PDGFC: variants seen among roughly 807,000 people sequenced by gnomAD.
PDGFC encodes platelet-derived growth factor C.
PDGFC carries 12 observed loss-of-function variants against 35.5 expected under a neutral mutation model. That is an observed-to-expected ratio of 0.34 (90% CI 0.22 to 0.55). The LOEUF is 0.55. Ranked by LOEUF, PDGFC falls within the 20% of genes least tolerant of loss-of-function variation. PDGFC has a pLI of 0.91. For missense variants in PDGFC, 322 were observed against 412.4 expected (o/e 0.78, Z 1.90); for synonymous variants, 159 against 148.8 (o/e 1.07, Z -0.50).
chr4:156,891,138 T>C (rs1161083421), intron 1 of PDGFC, among the ~76,000 whole-genome samples: 2 of 151,610 alleles, frequency 1.3e-5, no homozygotes, highest in African/African-American at 2.4e-5. Flanking sequence ...GCAACTGTAA[T>C]ACAAAGGTAA....
intron 3 of PDGFC, among the ~76,000 whole-genome samples, chr4:156,773,254 C>A (rs2110819011): frequency 6.6e-6 from 1 of 152,172 alleles, no homozygotes; most frequent in Non-Finnish European, 1.5e-5. Context: ...TTTCCTTAAT[C>A]TGAAAAATTA....
chr4:156,896,607 A>G (rs979060176), intron 1 of PDGFC, among the ~76,000 whole-genome samples: 2 of 152,224 alleles, frequency 1.3e-5, no homozygotes, highest in Non-Finnish European at 2.9e-5. Flanking sequence ...TTTAAGATGG[A>G]CAATCAAAAT....
chr4:156,863,423 A>G (rs1231030087), intron 1 of PDGFC, among the ~76,000 whole-genome samples: 1 of 152,182 alleles, frequency 6.6e-6, no homozygotes, highest in Non-Finnish European at 1.5e-5. Context: ...TCTTTATTCA[A>G]CTCAGCCCAC....
intron 1 of PDGFC, among the ~76,000 whole-genome samples, chr4:156,890,827 T>C (rs1730486073): frequency 6.6e-6 from 1 of 152,196 alleles, no homozygotes; most frequent in Non-Finnish European, 1.5e-5. Flanking sequence ...GAATATCTTT[T>C]AAAAAGGTAA....
At chr4:156,945,617 T>G (rs2110921774) in intron 1 of PDGFC, among the ~76,000 whole-genome samples, 1 of 152,026 alleles carries the variant, frequency 6.6e-6, no homozygotes, top group South Asian at 2.1e-4. Flanking sequence ...TGTGACAGTT[T>G]AGCTCAGGAA....
intron 2 of PDGFC, among the ~76,000 whole-genome samples, chr4:156,828,094 T>G (rs1728831353): frequency 6.6e-6 from 1 of 152,190 alleles, no homozygotes; most frequent in African/African-American, 2.4e-5. Flanking sequence ...TCTTTCTCAC[T>G]CTGTCACTTT....
In PDGFC at chr4:156,915,518, C is replaced by T. The variant is rs142946978; in HGVS notation, c.118+55268G>A. ...ATTTTCAGTTCTTGAAAACAAGGTG[C>T]GGGGGGGCAGGGTGCAGTGATCCCA... On this transcript the variant is annotated intron_variant, in intron 1 of 5. Coordinates refer to ENST00000502773, the MANE Select transcript of PDGFC (RefSeq NM_016205.3). 2.6e-3 allele frequency among the ~76,000 whole-genome samples: 397 copies of T among 152,088 alleles called. 1 individual carries two copies. The highest frequency in any genetic ancestry group is 9.2e-3 in the African/African-American group (380 of 41,490).
At chr4:156,769,733 T>C (rs1001375635) in intron 4 of PDGFC, among the ~76,000 whole-genome samples, 4 of 152,052 alleles carry the variant, frequency 2.6e-5, no homozygotes, top group African/African-American at 9.6e-5. Flanking sequence ...CTCATTATGC[T>C]AAATGGTATC....
chr4:156,797,712 C>T (rs959896605), intron 3 of PDGFC, among the ~76,000 whole-genome samples: 6 of 152,116 alleles, frequency 3.9e-5, no homozygotes, highest in African/African-American at 1.4e-4. Context: ...CGTCCTGGGC[C>T]ACATGGGGCC....
chr4:156,931,607 A>G (rs17035453), intron 1 of PDGFC, among the ~76,000 whole-genome samples: 1,985 of 152,318 alleles, frequency 0.013, 50 homozygotes, highest in African/African-American at 0.044. Flanking sequence ...GACAATAGAC[A>G]AATGCAAGGC....
intron 3 of PDGFC, among the ~76,000 whole-genome samples, chr4:156,801,946 AG>A (rs763654939): frequency 6.6e-6 from 1 of 152,212 alleles, no homozygotes; most frequent in African/African-American, 2.4e-5. Flanking sequence ...ACAGGTAGCT[AG>A]CTACTCTATG....
intron 2 of PDGFC, among the ~76,000 whole-genome samples, chr4:156,824,327 T>TATACACATACAC (rs1491500876): frequency 9.7e-6 from 1 of 102,844 alleles, no homozygotes; most frequent in Non-Finnish European, 1.9e-5. Flanking sequence ...TATATATATA[T>TATACACATACAC]ACACACACAC....
intron 2 of PDGFC, among the ~76,000 whole-genome samples, chr4:156,816,756 T>G (rs1017960204): frequency 6.6e-6 from 1 of 152,308 alleles, no homozygotes; most frequent in South Asian, 2.1e-4. Flanking sequence ...ATATTTAAAA[T>G]ATGCCTATAT....
intron 2 of PDGFC, among the ~76,000 whole-genome samples, chr4:156,818,218 A>G (rs1248450168): frequency 1.3e-5 from 2 of 151,488 alleles, no homozygotes; most frequent in Non-Finnish European, 2.9e-5. Context: ...AAAGATATAC[A>G]CTCAATGCAT....
chr4:156,774,513 A>C (rs938940083), intron 3 of PDGFC: 2 of 152,214 alleles, frequency 1.3e-5, no homozygotes, highest in Non-Finnish European at 2.9e-5. Context: ...TAGGAAAAGG[A>C]GCACCTTTCC....
intron 1 of PDGFC, among the ~76,000 whole-genome samples, chr4:156,945,338 CATACATATATATATATATATATATAT>C (rs1333421891): frequency 5.3e-4 from 20 of 37,458 alleles, no homozygotes; most frequent in Non-Finnish European, 9.3e-4. Context: ...TATACATATA[CATACATATATATATATATATATATAT>C]ATATATATAT....
At chr4:156,907,546 C>T (rs1231717612) in intron 1 of PDGFC, among the ~76,000 whole-genome samples, 1 of 152,170 alleles carries the variant, frequency 6.6e-6, no homozygotes, top group Non-Finnish European at 1.5e-5. Context: ...ATTGAGGGCC[C>T]CCCACTCACT....
chr4:156,937,066 C>T (rs74445426), intron 1 of PDGFC, among the ~76,000 whole-genome samples: 11,770 of 152,066 alleles, frequency 0.077, 1,483 homozygotes, highest in African/African-American at 0.27. Context: ...CAGCACTGCA[C>T]GCATATGGAC....
At chr4:156,817,613 C>T (rs942933213) in intron 2 of PDGFC, among the ~76,000 whole-genome samples, 1 of 152,014 alleles carries the variant, frequency 6.6e-6, no homozygotes, top group Non-Finnish European at 1.5e-5. Context: ...ATGGAAAGAC[C>T]CTGTCTCCCT....
Sources: allele counts gnomAD v4.1 joint callset (sites outside exome capture counted in the v4.1 genomes callset), GRCh38; gene constraint gnomAD v4.1.1; transcripts MANE v1.5; gene names NCBI Gene and HGNC (gene_info 2026-07-23, HGNC 2026-07-21).